Variants in KLHL13 observed in about 807,000 individuals in gnomAD.
KLHL13 encodes the protein kelch like family member 13.
Under a neutral mutation model 37.1 loss-of-function variants are expected in KLHL13, and 10 were observed. That is an observed-to-expected ratio of 0.27 (90% CI 0.17 to 0.46). The LOEUF is 0.46. KLHL13 is among the 20% of genes least tolerant of loss of function. The probability of loss-of-function intolerance (pLI) is 1.00; values close to 1 mark genes in which losing one functional copy is unlikely to be tolerated. For synonymous variants in KLHL13, 163 were observed against 181.2 expected, an observed-to-expected ratio of 0.90 and a Z score of 0.81; for missense variants, 360 against 509.3, an observed-to-expected ratio of 0.71 and a Z score of 2.82.
rs767056214 is a variant in KLHL13, at chrX:118,060,050, G to A, written c.-56+56458C>T. Among the ~76,000 whole-genome samples the A allele has an allele frequency of 4.5e-5, 5 of 111,641 alleles. No individual in the cohort carries two copies. In the East Asian group the frequency reaches 1.1e-3, roughly 25 times the overall value. On this transcript the variant is annotated intron_variant, in intron 1 of 6. Transcript: ENST00000371882. ...GAACATTAGGAATATAAATATGAACGAGGAACAGTACCTACATTCAAAGAG... is the reference window on the plus strand; with the variant it reads ...GAACATTAGGAATATAAATATGAACAAGGAACAGTACCTACATTCAAAGAG...
At chrX:118,056,146 A>G (rs2054683062) in intron 1 of KLHL13, among the ~76,000 whole-genome samples, 1 of 112,218 alleles carries the variant, frequency 8.9e-6, no homozygotes, top group South Asian at 3.7e-4. Context: ...AGATCAATAT[A>G]CAAAAATAGA....
chrX:117,910,129 A>T, intron 4 of KLHL13, 33 bp from the exon 6 acceptor site: 1 of 1,030,338 alleles, frequency 9.7e-7, no homozygotes, highest in Non-Finnish European at 1.3e-6. Flanking sequence ...TTAAAACATG[A>T]CTACTTTCAT....
intron 1 of KLHL13, among the ~76,000 whole-genome samples, chrX:118,005,138 T>C (rs996717597): frequency 8.9e-6 from 1 of 111,749 alleles, no homozygotes; most frequent in African/African-American, 3.3e-5. Context: ...TTACAATGTA[T>C]TAATGTTATC....
intron 1 of KLHL13, among the ~76,000 whole-genome samples, chrX:118,114,415 A>G (rs758871719): frequency 3.6e-5 from 4 of 112,397 alleles, no homozygotes; most frequent in African/African-American, 1.3e-4. Context: ...TAACTCATCC[A>G]CCTTTATTCT....
intron 2 of KLHL13, among the ~76,000 whole-genome samples, chrX:117,936,548 A>G (rs1932767675): frequency 9.0e-6 from 1 of 111,684 alleles, no homozygotes; most frequent in South Asian, 3.8e-4. Context: ...GTTTTCTTCA[A>G]TAGTCCTGGC....
intron 1 of KLHL13, among the ~76,000 whole-genome samples, chrX:118,097,001 C>G (rs1014034148): frequency 9.0e-6 from 1 of 111,173 alleles, no homozygotes; most frequent in African/African-American, 3.3e-5. Context: ...TGGAAGCATT[C>G]CCTTTGAAAA....
intron 1 of KLHL13, among the ~76,000 whole-genome samples, chrX:118,020,711 T>A (rs939041334): frequency 9.1e-6 from 1 of 110,348 alleles, no homozygotes; most frequent in African/African-American, 3.3e-5. Flanking sequence ...ATTGCGGCAC[T>A]ACTCACAATA....
chrX:118,081,765 G>A (rs1266439492), intron 1 of KLHL13, among the ~76,000 whole-genome samples: 1 of 110,901 alleles, frequency 9.0e-6, no homozygotes, highest in African/African-American at 3.3e-5. Context: ...CCAACCTCTA[G>A]TAACCATCAT....
chrX:117,903,264 T>C (rs1183840674), intron 5 of KLHL13, among the ~76,000 whole-genome samples: 2 of 110,658 alleles, frequency 1.8e-5, no homozygotes, highest in African/African-American at 3.3e-5. Flanking sequence ...ACGCAAAGTA[T>C]GCTTTTCTCC....
chrX:118,043,693 C>A (rs1199981642), intron 1 of KLHL13, among the ~76,000 whole-genome samples: 1 of 111,599 alleles, frequency 9.0e-6, no homozygotes, highest in Non-Finnish European at 1.9e-5. Flanking sequence ...AACATCGCTT[C>A]ATGATAAAAA....
At chrX:117,928,863 A>G (rs1346244702) in intron 2 of KLHL13, among the ~76,000 whole-genome samples, 1 of 111,854 alleles carries the variant, frequency 8.9e-6, no homozygotes, top group African/African-American at 3.2e-5. Context: ...GAAATAGAAA[A>G]CAGAAAAACA....
intron 1 of KLHL13, among the ~76,000 whole-genome samples, chrX:118,010,100 G>C (rs2054043346): frequency 1.9e-5 from 2 of 105,216 alleles, no homozygotes; most frequent in Admixed American, 2.1e-4. Flanking sequence ...ACAGGTGCTG[G>C]AGAGGATGTG....
At chrX:117,992,268 G>A (rs2053803420) in intron 1 of KLHL13, among the ~76,000 whole-genome samples, 1 of 106,453 alleles carries the variant, frequency 9.4e-6, no homozygotes, top group Non-Finnish European at 1.9e-5. Context: ...AAGGGTCATA[G>A]GAGAACAACA....
intron 2 of KLHL13, among the ~76,000 whole-genome samples, chrX:117,938,606 A>G (rs950422461): frequency 4.5e-5 from 5 of 111,754 alleles, no homozygotes; most frequent in African/African-American, 1.6e-4. Context: ...TACAGTGGCA[A>G]TCATTGTTCG....
At chrX:117,996,763 G>A (rs2053858917) in intron 1 of KLHL13, among the ~76,000 whole-genome samples, 1 of 108,045 alleles carries the variant, frequency 9.3e-6, no homozygotes, top group Non-Finnish European at 1.9e-5. Flanking sequence ...CTATTTCTAC[G>A]GGTACATATA....
intron 1 of KLHL13, among the ~76,000 whole-genome samples, chrX:117,965,929 C>T (rs1338982207): frequency 2.7e-5 from 3 of 111,466 alleles, no homozygotes; most frequent in Non-Finnish European, 5.7e-5. Flanking sequence ...CTATCTATGA[C>T]AAACCCACAG....
chrX:118,023,700 C>G lies in KLHL13; in HGVS notation c.-55-78125G>C, dbSNP rs756957417. Among the ~76,000 whole-genome samples the G allele has an allele frequency of 7.0e-4, 78 of 111,353 alleles. 1 individual carries two copies. Among genetic ancestry groups the G allele is most frequent in the Non-Finnish European group, 2.1e-4 (11 of 53,074 alleles). ...TCTCATGCCTCAGCCTCCCAAATAG[C>G]TGGAATTACAGGTGTGCACCACCAT... On this transcript the variant is annotated intron_variant, in intron 1 of 6. Coordinates refer to the KLHL13 transcript ENST00000371882.
chrX:118,109,320 A>G (rs1167113577), intron 1 of KLHL13, among the ~76,000 whole-genome samples: 1 of 111,819 alleles, frequency 8.9e-6, no homozygotes, highest in African/African-American at 3.2e-5. Flanking sequence ...ACAGGTCATC[A>G]TGGGAATTTA....
Position 118,073,100 on chromosome X carries a change from A to G in KLHL13, c.-56+43408T>C, listed in dbSNP as rs773753774. 1.1e-4 allele frequency among the ~76,000 whole-genome samples: 12 copies of G among 109,904 alleles called. No individual in the cohort carries two copies. In the South Asian group the frequency reaches 4.4e-3, roughly 40 times the overall value. ...CAGAGTGAGACACTCTCTCAAAAAA[A>G]AAAAAACCCCACAAATGAAGAAAGA... On this transcript the variant is annotated intron_variant, in intron 1 of 6. Transcript: ENST00000371882.
Sources: gnomAD v4.1 joint callset for allele counts (sites outside exome capture counted in the v4.1 genomes callset) on GRCh38, gnomAD v4.1.1 for gene constraint, MANE v1.5 for transcripts, NCBI Gene and HGNC (gene_info 2026-07-23, HGNC 2026-07-21) for gene names.